C19orf12: variants seen among roughly 807,000 people sequenced by gnomAD.
C19orf12 encodes chromosome 19 open reading frame 12, also known as protein C19orf12.
A neutral mutation model predicts 3.8 loss-of-function variants in C19orf12; 2 were observed. That is an observed-to-expected ratio of 0.53 (90% CI 0.22 to 1.66). C19orf12 has a LOEUF of 1.66. Ranked by LOEUF, C19orf12 falls within the 40% of genes most tolerant of loss-of-function variation. C19orf12 has a pLI of 0.20. For synonymous variants in C19orf12, 89 were observed against 84.6 expected (o/e 1.05, Z -0.28); for missense variants, 156 against 188.8 (o/e 0.83, Z 1.02).
At position 29,699,327 on chromosome 19, in the gene C19orf12, A is replaced by G. The variant is rs1206356284; in HGVS notation, c.*3385T>C. 2.7e-6 allele frequency: 1 copy of G among 367,320 alleles called. No individual in the cohort carries two copies. Among genetic ancestry groups the G allele is most frequent in the African/African-American group, 2.1e-5 (1 of 46,584 alleles). 22.8% of individuals were successfully genotyped at this position (367,320 alleles called of 1,614,324 possible). On this transcript the variant is annotated 3_prime_UTR_variant, in exon 3 of 3. Coordinates refer to ENST00000323670, the MANE Select transcript of C19orf12 (RefSeq NM_031448.6). ...CTAAAAATAAAAAAAAAATAAAAAA[A>G]TAAAAATTAGCCGGGCATGGTGGCG...
At chr19:29,703,772 C>A (rs1043323747) in intron 2 of C19orf12, among the ~76,000 whole-genome samples, 2 of 152,054 alleles carry the variant, frequency 1.3e-5, no homozygotes, top group Admixed American at 6.5e-5. Context: ...AGGTGGATCA[C>A]CTGAGGTCAG....
intron 2 of C19orf12, 125 bp downstream of exon 2, chr19:29,708,129 T>A: frequency 7.3e-7 from 1 of 1,376,140 alleles, no homozygotes; most frequent in Non-Finnish European, 1.0e-6. Context: ...TCCGCCCGCC[T>A]CGGCCTCCCA....
chr19:29,713,864 C>T lies in C19orf12; in HGVS notation c.-11+1261G>A, dbSNP rs1972809778. The stretch of plus-strand genomic sequence containing the variant: ...GGCCCTGCCCTCCCTACCCCAGCTC[C>T]TCCTGGCAGCATGCACCTTACCTAT... On this transcript the variant is annotated intron_variant, in intron 1 of 2. Coordinates refer to ENST00000323670, the MANE Select transcript of C19orf12 (RefSeq NM_031448.6). 2.0e-5 allele frequency among the ~76,000 whole-genome samples: 3 copies of T among 152,196 alleles called. 1 individual carries two copies. Among genetic ancestry groups the T allele is most frequent in the Non-Finnish European group, 4.4e-5 (3 of 68,036 alleles).
At chr19:29,715,499 T>C (rs141427453), upstream of C19orf12, 7,404 of 334,988 alleles carry the variant, frequency 0.022, 105 homozygotes, top group Middle Eastern at 0.031. Context: ...AAGGCCGCGC[T>C]CCCGCAGGCC....
rs1972057371 is a variant in C19orf12, at chr19:29,701,049, A to C, written c.*1663T>G. On this transcript the variant is annotated 3_prime_UTR_variant, in exon 3 of 3. Coordinates refer to ENST00000323670, the MANE Select transcript of C19orf12 (RefSeq NM_031448.6). ...CGACATTACAAGCATGAGCCACCTC[A>C]CCTGACCTACTCTTGCATTCTTTAA... 2.2e-6 allele frequency: 1 copy of C among 453,998 alleles called. No homozygotes were observed. Among genetic ancestry groups the C allele is most frequent in the East Asian group, 6.9e-5 (1 of 14,412 alleles). The allele number at this position is 453,998 out of a possible 1,614,324, so 28.1% of individuals were successfully genotyped here. A position where few individuals can be genotyped will look rare whatever the true frequency, so the allele number is the denominator to read the frequency against.
chr19:29,710,341 C>A (rs28581949), intron 1 of C19orf12, among the ~76,000 whole-genome samples: 1 of 152,218 alleles, frequency 6.6e-6, no homozygotes, highest in Non-Finnish European at 1.5e-5. Context: ...GAGCATCCTG[C>A]GCTCCTGCCC....
chr19:29,699,505 G>T lies in C19orf12; in HGVS notation c.*3207C>A, dbSNP rs762855256. On this transcript the variant is annotated 3_prime_UTR_variant, in exon 3 of 3. Transcript: ENST00000323670. ...CTCAAAAAAAAAAAAAAGAAAAAAA[G>T]AAAAAAATATATGTGTACCTACATA... 7 of 417,438 alleles carry T rather than the reference G, an allele frequency of 1.7e-5. No individual in the cohort carries two copies. The highest frequency in any genetic ancestry group is 1.2e-4 in the South Asian group (7 of 56,186). 25.9% of individuals were successfully genotyped at this position (417,438 alleles called of 1,614,324 possible).
intron 1 of C19orf12, among the ~76,000 whole-genome samples, chr19:29,712,013 G>A (rs1972706647): frequency 6.6e-6 from 1 of 152,184 alleles, no homozygotes; most frequent in African/African-American, 2.4e-5. Flanking sequence ...AGGAAACACA[G>A]ATAAGGAAGG....
At position 29,701,879 on chromosome 19, in the gene C19orf12, A is replaced by C. The variant is rs1354757978; in HGVS notation, c.*833T>G. On this transcript the variant is annotated 3_prime_UTR_variant, in exon 3 of 3. Coordinates refer to ENST00000323670, the MANE Select transcript of C19orf12 (RefSeq NM_031448.6). ...GCACATTTAGTGGACTGCAATATGC[A>C]GTAAACATGACTTAGATGCACTGGG... The C allele has an allele frequency of 2.2e-6, 1 of 454,184 alleles. No homozygotes were observed. The highest frequency in any genetic ancestry group is 1.6e-5 in the South Asian group (1 of 64,480). The allele number at this position is 454,184 out of a possible 1,614,324, so 28.1% of individuals were successfully genotyped here.
In C19orf12 at chr19:29,700,062, G is replaced by C. The variant is rs1284962023; in HGVS notation, c.*2650C>G. 3 of 453,904 alleles carry C rather than the reference G, an allele frequency of 6.6e-6. No individual in the cohort carries two copies. The highest frequency in any genetic ancestry group is 1.3e-5 in the Non-Finnish European group (3 of 226,782). The allele number at this position is 453,904 out of a possible 1,614,324, so 28.1% of individuals were successfully genotyped here. On this transcript the variant is annotated 3_prime_UTR_variant, in exon 3 of 3. Transcript: ENST00000323670. ...GGCCTGCTCCATCGGACACAAAACT[G>C]ATCAGGAGTTGGACCATCTCCTCCC... is the stretch of plus-strand genomic sequence containing the variant.
At position 29,702,666 on chromosome 19, in the gene C19orf12, T is replaced by C. The variant is rs368304485; in HGVS notation, c.*46A>G. The C allele has an allele frequency of 2.7e-5, 44 of 1,611,272 alleles. No homozygotes were observed. The Admixed American group carries it at 5.0e-4, about 18-fold the overall frequency. On this transcript the variant is annotated 3_prime_UTR_variant, in exon 3 of 3. Coordinates refer to ENST00000323670, the MANE Select transcript of C19orf12 (RefSeq NM_031448.6). The stretch of plus-strand genomic sequence containing the variant: ...CAACTCCCAAGCCACCTCTTCAGAA[T>C]CACAGAGTCATTTAAAGGGGCCCCC...
At chr19:29,704,252 G>A (rs886351761) in intron 2 of C19orf12, among the ~76,000 whole-genome samples, 11 of 152,120 alleles carry the variant, frequency 7.2e-5, no homozygotes, top group Non-Finnish European at 1.5e-4. Context: ...GGCGAATCAC[G>A]AGGTCAGGAG....
intron 1 of C19orf12, among the ~76,000 whole-genome samples, chr19:29,711,750 C>G (rs961999437): frequency 2.6e-5 from 4 of 152,166 alleles, no homozygotes; most frequent in African/African-American, 9.7e-5. Flanking sequence ...GATACATAAC[C>G]ACTTTAGCTC....
At chr19:29,711,149 C>G (rs1481628405) in intron 1 of C19orf12, among the ~76,000 whole-genome samples, 1 of 144,504 alleles carries the variant, frequency 6.9e-6, no homozygotes, top group African/African-American at 2.6e-5. Context: ...AAGCGATTCT[C>G]CTGCCTCAAC....
intron 1 of C19orf12, among the ~76,000 whole-genome samples, chr19:29,711,101 G>T (rs1010491873): frequency 3.4e-5 from 5 of 147,440 alleles, no homozygotes; most frequent in African/African-American, 1.0e-4. Context: ...GTGTAGCGGC[G>T]CGATCTCGGC....
Position 29,703,023 on chromosome 19 carries a change from G to A in C19orf12, c.161-46C>T, listed in dbSNP as rs183422876. On this transcript the variant is annotated intron_variant, in intron 2 of 2. Transcript: ENST00000323670. ...CAATTAGTGGGTCTTATTCATAAGC[G>A]ATGGCCTTACTTAAGTTCCCACTGA... is the stretch of plus-strand genomic sequence containing the variant. 1.1e-3 allele frequency: 1,797 copies of A among 1,612,336 alleles called. 2 individuals are homozygous for A. The highest frequency in any genetic ancestry group is 1.4e-3 in the Non-Finnish European group (1,627 of 1,178,644).
In C19orf12 at chr19:29,701,861, T is replaced by C. The variant is rs1196191472; in HGVS notation, c.*851A>G. 4 of 454,042 alleles carry C rather than the reference T, an allele frequency of 8.8e-6. No individual in the cohort carries two copies. The highest frequency in any genetic ancestry group is 1.6e-5 in the South Asian group (1 of 64,476). 28.1% of individuals were successfully genotyped at this position (454,042 alleles called of 1,614,324 possible). Reference sequence around the variant, plus strand: ...GTTAGACATAATGCTATTGCACATTTAGTGGACTGCAATATGCAGTAAACA... The same window carrying C: ...GTTAGACATAATGCTATTGCACATTCAGTGGACTGCAATATGCAGTAAACA... On this transcript the variant is annotated 3_prime_UTR_variant, in exon 3 of 3. Transcript: ENST00000323670.
At chr19:29,703,401 G>A (rs1000391434) in intron 2 of C19orf12, among the ~76,000 whole-genome samples, 5 of 126,978 alleles carry the variant, frequency 3.9e-5, no homozygotes, top group Non-Finnish European at 6.4e-5. Context: ...TTTTTTTTGA[G>A]ACGGAGTCTT....
At chr19:29,707,715 A>G (rs1376496309) in intron 2 of C19orf12, among the ~76,000 whole-genome samples, 1 of 152,194 alleles carries the variant, frequency 6.6e-6, no homozygotes, top group East Asian at 1.9e-4. Context: ...CTTCTGAGAC[A>G]TTCACACAGA....
Sources: allele counts gnomAD v4.1 joint callset (sites outside exome capture counted in the v4.1 genomes callset), GRCh38; gene constraint gnomAD v4.1.1; transcripts MANE v1.5; gene names NCBI Gene and HGNC (gene_info 2026-07-23, HGNC 2026-07-21).